Variants in NACC2 observed in about 807,000 individuals in gnomAD.
The protein encoded by NACC2 is NACC family member 2.
In NACC2, 8 loss-of-function variants were observed where a neutral mutation model predicts 25.1. The ratio of observed to expected loss-of-function variants is 0.32; its 90% CI spans 0.19 to 0.57. NACC2 has a LOEUF of 0.57. NACC2 is among the 20% of genes least tolerant of loss of function. NACC2 has a pLI of 0.89. For synonymous variants in NACC2, 435 were observed against 294.7 expected (o/e 1.48, Z -4.88); for missense variants, 644 against 650.2 (o/e 0.99, Z 0.10).
At position 136,007,594 on chromosome 9, in the gene NACC2, GC is replaced by G. The variant is rs1321391128; in HGVS notation, c.*3921del. The G allele has an allele frequency of 6.6e-6, 1 of 152,048 alleles. No individual in the cohort carries two copies. The highest frequency in any genetic ancestry group is 1.5e-5 in the Non-Finnish European group (1 of 68,044). 9.4% of individuals were successfully genotyped at this position (152,048 alleles called of 1,614,324 possible). A position where few individuals can be genotyped will look rare whatever the true frequency, so the allele number is the denominator to read the frequency against. On this transcript the variant is annotated 3_prime_UTR_variant, in exon 6 of 6. Coordinates refer to ENST00000277554, the MANE Select transcript of NACC2 (RefSeq NM_144653.5). ...GCACACGCACACTCTCACCCACGGA[GC>G]TGGCTGGCTGACATGACAAAAGTAT... is the stretch of plus-strand genomic sequence containing the variant.
At chr9:136,048,227 G>A (rs1840758487) in intron 2 of NACC2, among the ~76,000 whole-genome samples, 2 of 152,182 alleles carry the variant, frequency 1.3e-5, no homozygotes, top group South Asian at 4.1e-4. Context: ...GGTGGGCCTT[G>A]GGAGCCTTCC....
At chr9:136,029,426 A>T (rs944575940) in intron 2 of NACC2, among the ~76,000 whole-genome samples, 1 of 152,234 alleles carries the variant, frequency 6.6e-6, no homozygotes, top group African/African-American at 2.4e-5. Flanking sequence ...AGTTGTCTGC[A>T]TACCTCATTT....
chr9:136,085,938 C>T lies in NACC2; in HGVS notation c.-60+9251G>A, dbSNP rs548230075. Among the ~76,000 whole-genome samples the T allele has an allele frequency of 3.3e-5, 5 of 151,416 alleles. No homozygotes were observed. In the East Asian group the frequency reaches 7.8e-4, roughly 24 times the overall value. ...TCCAATGGGAGGGGCTGGCAGAGCC[C>T]GGAGGCTGGGCACTGCACAGAACGG... On this transcript the variant is annotated intron_variant, in intron 1 of 5. Transcript: ENST00000277554.
chr9:136,013,741 G>A lies in NACC2; in HGVS notation c.1157+123C>T, dbSNP rs941404360. 7.1e-6 allele frequency: 6 copies of A among 842,688 alleles called. No individual in the cohort carries two copies. The highest frequency in any genetic ancestry group is 1.1e-5 in the Non-Finnish European group (6 of 547,292). The allele number at this position is 842,688 out of a possible 1,614,324, so 52.2% of individuals were successfully genotyped here. On this transcript the variant is annotated intron_variant, in intron 4 of 5. Transcript: ENST00000277554. This position sits in a 1 kb window ranked among gnomAD's most constrained non-coding sequence, Gnocchi z 6.6. ...GTCCTGGGGCCGACCGGCCACGGCT[G>A]AAGTCAGGAATGCGAGAGGGCTTTC...
chr9:136,059,336 C>A (rs1840975543), intron 1 of NACC2, among the ~76,000 whole-genome samples: 1 of 152,170 alleles, frequency 6.6e-6, no homozygotes, highest in Non-Finnish European at 1.5e-5. Context: ...ATGCACCAGC[C>A]CATCCGGAGC....
At chr9:136,075,029 G>A (rs2131181033) in intron 1 of NACC2, among the ~76,000 whole-genome samples, 1 of 152,164 alleles carries the variant, frequency 6.6e-6, no homozygotes, top group East Asian at 1.9e-4. Flanking sequence ...GTGACGTGAG[G>A]CCCAGTAGAG....
chr9:136,057,734 C>T (rs906423087), intron 1 of NACC2, among the ~76,000 whole-genome samples: 7 of 152,140 alleles, frequency 4.6e-5, no homozygotes, highest in African/African-American at 7.2e-5. Flanking sequence ...CCAGGCGGAG[C>T]GGCCGGGAGG....
At chr9:136,014,280 C>T (rs758913203) in intron 3 of NACC2, among the ~76,000 whole-genome samples, 6 of 152,068 alleles carry the variant, frequency 3.9e-5, no homozygotes, top group Admixed American at 2.6e-4. Flanking sequence ...CTGCGGTCCC[C>T]GGCCTCAGCT....
chr9:136,072,319 G>A (rs1376698520), intron 1 of NACC2, among the ~76,000 whole-genome samples: 1 of 152,108 alleles, frequency 6.6e-6, no homozygotes, highest in Non-Finnish European at 1.5e-5. Context: ...GCCACGGTGA[G>A]CAGATCACTT....
At chr9:136,030,434 C>T (rs886150425) in intron 2 of NACC2, among the ~76,000 whole-genome samples, 3 of 151,882 alleles carry the variant, frequency 2.0e-5, no homozygotes, top group African/African-American at 4.8e-5. Flanking sequence ...ACAGTGAAAC[C>T]CCATCTCTAC....
At position 136,020,936 on chromosome 9, in the gene NACC2, A is replaced by G. The variant is rs929793921; in HGVS notation, c.887-4507T>C. Reference sequence around the variant, plus strand: ...AAACCACCCTCCGTCTCAGCCTCGCACCCTACACAAAAACTGCAGAAGGTC... The same window carrying G: ...AAACCACCCTCCGTCTCAGCCTCGCGCCCTACACAAAAACTGCAGAAGGTC... On this transcript the variant is annotated intron_variant, in intron 2 of 5. Transcript: ENST00000277554. This position sits in a 1 kb window ranked among gnomAD's most constrained non-coding sequence, Gnocchi z 4.7. Among the ~76,000 whole-genome samples the G allele has an allele frequency of 3.3e-5, 5 of 152,210 alleles. No homozygotes were observed. Among genetic ancestry groups the G allele is most frequent in the Non-Finnish European group, 5.9e-5 (4 of 68,016 alleles).
At chr9:136,056,620 C>T (rs1034542324) in intron 1 of NACC2, among the ~76,000 whole-genome samples, 1 of 152,228 alleles carries the variant, frequency 6.6e-6, no homozygotes, top group Non-Finnish European at 1.5e-5. Context: ...AGGAAAGGGG[C>T]GCAAAGGCCC....
At chr9:136,071,218 C>G (rs374330158) in intron 1 of NACC2, among the ~76,000 whole-genome samples, 28 of 150,380 alleles carry the variant, frequency 1.9e-4, no homozygotes, top group East Asian at 1.6e-3. Context: ...GCCTGGGAGA[C>G]AGAGCAAGAC....
intron 1 of NACC2, among the ~76,000 whole-genome samples, chr9:136,067,792 G>A (rs1035362009): frequency 7.9e-5 from 12 of 152,226 alleles, no homozygotes; most frequent in Non-Finnish European, 1.2e-4. Context: ...CCGAGATCGC[G>A]GCACTGCCTC....
At chr9:136,023,058 A>AGGGAGG (rs1564220617) in intron 2 of NACC2, among the ~76,000 whole-genome samples, 1 of 27,222 alleles carries the variant, frequency 3.7e-5, no homozygotes, top group Non-Finnish European at 7.0e-5. Context: ...AGGAGGGAGG[A>AGGGAGG]AGGAGGGAAG....
chr9:136,073,455 A>T (rs1297038756), intron 1 of NACC2, among the ~76,000 whole-genome samples: 1 of 152,140 alleles, frequency 6.6e-6, no homozygotes, highest in African/African-American at 2.4e-5. Flanking sequence ...TAAAAAATAA[A>T]AAATGAGGAC....
intron 1 of NACC2, among the ~76,000 whole-genome samples, chr9:136,081,840 C>G (rs1022640479): frequency 2.6e-5 from 4 of 152,166 alleles, no homozygotes; most frequent in Non-Finnish European, 5.9e-5. Flanking sequence ...GAGGGCAAGG[C>G]GGGGAGGGCA....
In NACC2 at chr9:136,020,120, C is replaced by A. The variant is rs1018887853; in HGVS notation, c.887-3691G>T. The stretch of plus-strand genomic sequence containing the variant: ...GGGAATGCGCTTAGCATCACCGAAC[C>A]ACGCACGTAAAAGTCACTGCAACGG... On this transcript the variant is annotated intron_variant, in intron 2 of 5. Transcript: ENST00000277554. This position sits in a 1 kb window ranked among gnomAD's most constrained non-coding sequence, Gnocchi z 4.7. Among the ~76,000 whole-genome samples, 6 of 152,290 alleles carry A rather than the reference C, an allele frequency of 3.9e-5. No individual in the cohort carries two copies. Among genetic ancestry groups the A allele is most frequent in the African/African-American group, 1.4e-4 (6 of 41,564 alleles).
rs777924546 is a variant in NACC2 at position 136,011,806 on chromosome 9, C to G, written c.1474G>C (p.Glu492Gln). 3.8e-6 allele frequency: 6 copies of G among 1,580,854 alleles called. 1 individual carries two copies. The African/African-American group carries it at 5.4e-5, about 14-fold the overall frequency. The change falls in exon 6 of 6, where the codon GAG becomes CAG. Residue 492 changes from glutamate (E) to glutamine (Q), a missense_variant. By Grantham distance (29) the Glu-to-Gln change is conservative. Coordinates refer to ENST00000277554, the MANE Select transcript of NACC2 (RefSeq NM_144653.5). ...CGCCGCTCGGCGTAGATGCGTTGCTCGAACACCTGTGCCGCGGCAGGCGGG... is the reference window on the plus strand; with the variant it reads ...CGCCGCTCGGCGTAGATGCGTTGCTGGAACACCTGTGCCGCGGCAGGCGGG... Reference protein sequence around the residue: ...EFPPAAAQVFEQRIYAERRGD... With the variant: ...EFPPAAAQVFQQRIYAERRGD...
Sources: gnomAD v4.1 joint callset for allele counts (sites outside exome capture counted in the v4.1 genomes callset) on GRCh38, gnomAD v4.1.1 for gene constraint, Gnocchi (gnomAD v3.1) non-coding constraint, MANE v1.5 for transcripts, NCBI Gene and HGNC (gene_info 2026-07-23, HGNC 2026-07-21) for gene names.